Variants in CPNE8 observed in about 807,000 individuals in gnomAD.
The protein encoded by CPNE8 is copine-8.
Under a neutral mutation model 81.5 loss-of-function variants are expected in CPNE8, and 45 were observed. The ratio of observed to expected loss-of-function variants is 0.55; its 90% CI spans 0.44 to 0.71. The LOEUF is 0.71. CPNE8 is among the 30% of genes least tolerant of loss of function. CPNE8 has a pLI of 0.00. For synonymous variants in CPNE8, 252 were observed against 226.3 expected, an observed-to-expected ratio of 1.11 and a Z score of -1.02; for missense variants, 594 against 672.1, an observed-to-expected ratio of 0.88 and a Z score of 1.28.
chr12:38,903,303 C>G (rs919405868), intron 1 of CPNE8, among the ~76,000 whole-genome samples: 2 of 151,974 alleles, frequency 1.3e-5, no homozygotes, highest in African/African-American at 4.8e-5. Flanking sequence ...ATGCTTGACA[C>G]TAAGTATTCA....
At chr12:38,890,691 T>C (rs1320455733) in intron 1 of CPNE8, among the ~76,000 whole-genome samples, 1 of 152,086 alleles carries the variant, frequency 6.6e-6, no homozygotes, top group African/African-American at 2.4e-5. Context: ...AACCATCACG[T>C]GCTGCTGCAC....
intron 1 of CPNE8, among the ~76,000 whole-genome samples, chr12:38,892,558 A>G (rs1299577560): frequency 1.3e-5 from 2 of 152,228 alleles, no homozygotes; most frequent in South Asian, 4.1e-4. Flanking sequence ...GAAACCATTC[A>G]TAAAGCTTAT....
intron 6 of CPNE8, among the ~76,000 whole-genome samples, chr12:38,786,232 T>C (rs1454814952): frequency 6.6e-6 from 1 of 152,148 alleles, no homozygotes. Flanking sequence ...ACTGTGATGG[T>C]TAATACTGAG....
intron 6 of CPNE8, among the ~76,000 whole-genome samples, chr12:38,817,637 T>TTTTTG (rs1943047986): frequency 6.9e-6 from 1 of 144,246 alleles, no homozygotes; most frequent in African/African-American, 2.7e-5. Flanking sequence ...TTTTTTTTTT[T>TTTTTG]GTGAGAGACA....
intron 6 of CPNE8, among the ~76,000 whole-genome samples, chr12:38,793,986 T>C (rs1206752772): frequency 1.3e-5 from 2 of 152,096 alleles, no homozygotes; most frequent in African/African-American, 4.8e-5. Flanking sequence ...GTTTCTTTAA[T>C]AAAAGGTGGT....
intron 3 of CPNE8, among the ~76,000 whole-genome samples, chr12:38,867,339 T>TGTGA (rs942285728): frequency 1.4e-3 from 176 of 122,016 alleles, no homozygotes; most frequent in South Asian, 5.0e-3. Flanking sequence ...TGTGTGTGTG[T>TGTGA]GAGAGAGAGA....
intron 10 of CPNE8, among the ~76,000 whole-genome samples, chr12:38,748,049 C>T (rs1278835060): frequency 6.6e-6 from 1 of 152,078 alleles, no homozygotes; most frequent in African/African-American, 2.4e-5. Context: ...CTCACTCTGT[C>T]GCTCAGGCTG....
rs143906883 is a variant in CPNE8 at position 38,769,989 on chromosome 12, T to C, written c.472-2251A>G. Among the ~76,000 whole-genome samples, 808 of 152,330 alleles carry C rather than the reference T, an allele frequency of 5.3e-3. 2 individuals are homozygous for C. The highest frequency in any genetic ancestry group is 8.7e-3 in the Non-Finnish European group (595 of 68,028). ...TTTGTATTAAGCACAAAATACATCTTGTTTGAGAGGAAAAGTATTTATATA... is the reference window on the plus strand; with the variant it reads ...TTTGTATTAAGCACAAAATACATCTCGTTTGAGAGGAAAAGTATTTATATA... On this transcript the variant is annotated intron_variant, in intron 7 of 19. Transcript: ENST00000331366.
chr12:38,840,495 GTAT>G (rs1399775193), intron 4 of CPNE8, among the ~76,000 whole-genome samples: 1 of 152,016 alleles, frequency 6.6e-6, no homozygotes, highest in Admixed American at 6.6e-5. Context: ...TATAATTCCT[GTAT>G]TATTTTTTAC....
At chr12:38,739,606 G>A (rs1295671978) in intron 10 of CPNE8, among the ~76,000 whole-genome samples, 2 of 152,090 alleles carry the variant, frequency 1.3e-5, no homozygotes, top group African/African-American at 4.8e-5. Flanking sequence ...TACTGACTTT[G>A]GGTCACTTAG....
intron 6 of CPNE8, among the ~76,000 whole-genome samples, chr12:38,811,880 A>T (rs1047173358): frequency 6.6e-6 from 1 of 152,172 alleles, no homozygotes; most frequent in Non-Finnish European, 1.5e-5. Context: ...TCTTAAAATA[A>T]TGTATGTAGT....
intron 4 of CPNE8, among the ~76,000 whole-genome samples, chr12:38,841,886 T>C (rs1943472875): frequency 6.6e-6 from 1 of 152,166 alleles, no homozygotes; most frequent in South Asian, 2.1e-4. Context: ...AAGGATTAAA[T>C]GCAGAGAATA....
chr12:38,881,727 A>G (rs1033321046), intron 1 of CPNE8, among the ~76,000 whole-genome samples: 1 of 152,190 alleles, frequency 6.6e-6, no homozygotes, highest in Non-Finnish European at 1.5e-5. Flanking sequence ...AAAGAAACCT[A>G]TGCTTTGTCA....
At chr12:38,737,034 G>A (rs917565741) in intron 10 of CPNE8, among the ~76,000 whole-genome samples, 1 of 151,896 alleles carries the variant, frequency 6.6e-6, no homozygotes, top group African/African-American at 2.4e-5. Flanking sequence ...CTAATCTCTA[G>A]AAAAGGAAGT....
intron 13 of CPNE8, among the ~76,000 whole-genome samples, chr12:38,712,594 T>A (rs1050997706): frequency 6.6e-6 from 1 of 152,176 alleles, no homozygotes; most frequent in Non-Finnish European, 1.5e-5. Flanking sequence ...AAAAAAATAA[T>A]CTGTATGGGG....
chr12:38,740,119 TTG>T (rs1941058775), intron 10 of CPNE8, among the ~76,000 whole-genome samples: 1 of 152,202 alleles, frequency 6.6e-6, no homozygotes, highest in South Asian at 2.1e-4. Context: ...TTCACATCCC[TTG>T]TAAGTTGGAT....
intron 5 of CPNE8, among the ~76,000 whole-genome samples, chr12:38,832,029 A>G (rs1463792708): frequency 1.3e-5 from 2 of 152,228 alleles, no homozygotes; most frequent in African/African-American, 4.8e-5. Context: ...AAGAGAACAC[A>G]TGAACAATCA....
At position 38,816,992 on chromosome 12, in the gene CPNE8, G is replaced by C. The variant is rs112207355; in HGVS notation, c.407+12387C>G. On this transcript the variant is annotated intron_variant, in intron 6 of 19. Transcript: ENST00000331366. ...TAAAATGATGCCACAGCCCAATCAA[G>C]GCTAAATACTCAAAAGCTTTTTAAA... Among the ~76,000 whole-genome samples the C allele has an allele frequency of 9.8e-3, 1,496 of 152,234 alleles. 13 individuals carry two copies. The highest frequency in any genetic ancestry group is 0.024 in the Middle Eastern group (7 of 294).
rs530908659 is a variant in CPNE8, at chr12:38,852,542, C to T, written c.187-3880G>A. Among the ~76,000 whole-genome samples the T allele has an allele frequency of 1.5e-3, 222 of 151,864 alleles. 1 individual carries two copies. The highest frequency in any genetic ancestry group is 4.9e-3 in the African/African-American group (204 of 41,392). ...ACTTGAACCTAGGAGGCGGAGGTTG[C>T]GGTGAGCCAAGATCGCGCCATTGCA... On this transcript the variant is annotated intron_variant, in intron 3 of 19. Transcript: ENST00000331366.
Sources: allele counts gnomAD v4.1 joint callset (sites outside exome capture counted in the v4.1 genomes callset), GRCh38; gene constraint gnomAD v4.1.1; transcripts MANE v1.5; gene names NCBI Gene and HGNC (gene_info 2026-07-23, HGNC 2026-07-21).